Variants in PLCB4 observed in about 807,000 individuals in gnomAD.
PLCB4 encodes the protein 1-phosphatidylinositol 4,5-bisphosphate phosphodiesterase beta-4.
In PLCB4, 77 loss-of-function variants were observed where a neutral mutation model predicts 178.8. That is an observed-to-expected ratio of 0.43 (90% CI 0.36 to 0.52). The LOEUF (loss-of-function observed/expected upper bound fraction) is 0.52. Ranked by LOEUF, PLCB4 falls within the 20% of genes least tolerant of loss-of-function variation. The probability of loss-of-function intolerance (pLI) is 0.00; values close to 1 mark genes in which losing one functional copy is unlikely to be tolerated. For synonymous variants in PLCB4, 496 were observed against 490.8 expected (o/e 1.01, Z -0.14); for missense variants, 1,024 against 1,453.4 (o/e 0.70, Z 4.80).
At chr20:9,112,471 C>G (rs1016407916) in intron 2 of PLCB4, among the ~76,000 whole-genome samples, 2 of 151,882 alleles carry the variant, frequency 1.3e-5, no homozygotes, top group African/African-American at 4.8e-5. Flanking sequence ...CCAGGCAGGT[C>G]TCAAACTCCT....
chr20:9,409,891 A>G (rs73248730), intron 24 of PLCB4, among the ~76,000 whole-genome samples: 5,948 of 152,250 alleles, frequency 0.039, 392 homozygotes, highest in African/African-American at 0.14. Flanking sequence ...AATAGAATAG[A>G]TAGAAATATG....
chr20:9,156,347 A>G (rs2092787930), intron 2 of PLCB4, among the ~76,000 whole-genome samples: 1 of 152,180 alleles, frequency 6.6e-6, no homozygotes. Context: ...TGTGCTAGGT[A>G]CAGTTCTCAA....
At chr20:9,373,259 T>C (rs892128964) in intron 12 of PLCB4, among the ~76,000 whole-genome samples, 155 bp downstream of exon 12, 2 of 152,230 alleles carry the variant, frequency 1.3e-5, no homozygotes, top group Non-Finnish European at 2.9e-5. Flanking sequence ...AAAAATCAGC[T>C]GCCGCCCTGT....
rs952234495 is a variant in PLCB4, at chr20:9,153,590, C to T, written c.-79+57248C>T. ...GTCCAATTAAACCTTTTTTTCTTCCCGGTCTCGGATATGTCTTTATCATCA... is the reference window on the plus strand; with the variant it reads ...GTCCAATTAAACCTTTTTTTCTTCCTGGTCTCGGATATGTCTTTATCATCA... On this transcript the variant is annotated intron_variant, in intron 2 of 39. Transcript: ENST00000378473. Among the ~76,000 whole-genome samples the T allele has an allele frequency of 5.9e-5, 9 of 152,186 alleles. 1 individual carries two copies. The highest frequency in any genetic ancestry group is 1.7e-4 in the African/African-American group (7 of 41,528).
chr20:9,231,445 G>T (rs1025766739), intron 3 of PLCB4, among the ~76,000 whole-genome samples: 9 of 152,102 alleles, frequency 5.9e-5, no homozygotes, highest in Non-Finnish European at 1.3e-4. Flanking sequence ...GGAGAGAGCT[G>T]CCACCTTCTT....
intron 2 of PLCB4, among the ~76,000 whole-genome samples, chr20:9,108,216 G>A (rs1282488153): frequency 1.3e-5 from 2 of 152,166 alleles, no homozygotes; most frequent in African/African-American, 4.8e-5. Flanking sequence ...GATGGGACTA[G>A]GCTGAAGATG....
intron 3 of PLCB4, 89 bp from the exon 4 acceptor site, chr20:9,307,708 ATCT>A (rs1416027290): frequency 1.7e-5 from 9 of 539,940 alleles, no homozygotes; most frequent in Non-Finnish European, 2.9e-5. Flanking sequence ...TTTAAAGTAA[ATCT>A]TCTGCAAACA....
At chr20:9,330,036 G>A (rs914999748) in intron 4 of PLCB4, among the ~76,000 whole-genome samples, 1 of 152,082 alleles carries the variant, frequency 6.6e-6, no homozygotes, top group Non-Finnish European at 1.5e-5. Context: ...TGAGAGAGGC[G>A]GTGTTTGTGC....
At chr20:9,165,798 T>C (rs1441320537) in intron 2 of PLCB4, among the ~76,000 whole-genome samples, 1 of 118,084 alleles carries the variant, frequency 8.5e-6, no homozygotes, top group Non-Finnish European at 1.8e-5. Flanking sequence ...GCTGTTTGTG[T>C]GTGTGTGTGT....
chr20:9,238,152 G>A (rs2094014340), intron 3 of PLCB4, among the ~76,000 whole-genome samples: 1 of 152,180 alleles, frequency 6.6e-6, no homozygotes, highest in Non-Finnish European at 1.5e-5. Context: ...GATTAGAATG[G>A]TGATTCTGAG....
At chr20:9,113,347 A>G (rs1268606744) in intron 2 of PLCB4, among the ~76,000 whole-genome samples, 1 of 152,188 alleles carries the variant, frequency 6.6e-6, no homozygotes, top group Non-Finnish European at 1.5e-5. Flanking sequence ...ATTCTTTGAG[A>G]ACCTCACTGT....
chr20:9,464,345 CA>C (rs572687475), intron 35 of PLCB4, among the ~76,000 whole-genome samples: 215 of 152,252 alleles, frequency 1.4e-3, no homozygotes, highest in African/African-American at 5.1e-3. Flanking sequence ...ATAAAATTGA[CA>C]CCCTAACGTC....
At chr20:9,402,413 G>A (rs957994900) in intron 20 of PLCB4, among the ~76,000 whole-genome samples, 2 of 152,222 alleles carry the variant, frequency 1.3e-5, no homozygotes, top group Admixed American at 6.5e-5. Context: ...AGTGAGACGA[G>A]ATGAGGCAGG....
intron 2 of PLCB4, among the ~76,000 whole-genome samples, chr20:9,212,578 G>T (rs1315851422): frequency 2.0e-5 from 3 of 152,144 alleles, no homozygotes. Context: ...AAACACTGTG[G>T]CATGATTAGT....
chr20:9,423,958 A>G lies in PLCB4; in HGVS notation c.2524+6A>G, dbSNP rs2040820363. On this transcript the variant is annotated splice_donor_region_variant and intron_variant, in intron 28 of 39. Transcript: ENST00000378473. ...TGTGCCTGATGGATTTGGAGGTAAGATAAACATTTGGGTACGGAATATGAT... is the reference window on the plus strand; with the variant it reads ...TGTGCCTGATGGATTTGGAGGTAAGGTAAACATTTGGGTACGGAATATGAT... The G allele has an allele frequency of 1.3e-6, 2 of 1,567,290 alleles. No individual in the cohort carries two copies. The highest frequency in any genetic ancestry group is 1.8e-6 in the Non-Finnish European group (2 of 1,139,734).
chr20:9,147,521 G>A (rs767215216), intron 2 of PLCB4, among the ~76,000 whole-genome samples: 1 of 152,090 alleles, frequency 6.6e-6, no homozygotes, highest in Admixed American at 6.6e-5. Context: ...TCTGTGCTCA[G>A]CTATGGGTTG....
intron 7 of PLCB4, among the ~76,000 whole-genome samples, chr20:9,343,090 G>T (rs577391816): frequency 6.6e-6 from 1 of 152,110 alleles, no homozygotes; most frequent in Non-Finnish European, 1.5e-5. Flanking sequence ...TGTGTATTTT[G>T]TTTGTCTTAT....
At chr20:9,223,257 G>A (rs1195941231) in intron 3 of PLCB4, among the ~76,000 whole-genome samples, 1 of 152,120 alleles carries the variant, frequency 6.6e-6, no homozygotes, top group Non-Finnish European at 1.5e-5. Context: ...TATAGTTAGT[G>A]GCCAAACTGA....
chr20:9,287,287 G>A (rs1019612369), intron 3 of PLCB4, among the ~76,000 whole-genome samples: 5 of 152,004 alleles, frequency 3.3e-5, no homozygotes, highest in Non-Finnish European at 5.9e-5. Context: ...ACTCATGGAT[G>A]AAAGTATTAG....
Sources: gnomAD v4.1 joint callset for allele counts (sites outside exome capture counted in the v4.1 genomes callset) on GRCh38, gnomAD v4.1.1 for gene constraint, MANE v1.5 for transcripts, NCBI Gene and HGNC (gene_info 2026-07-23, HGNC 2026-07-21) for gene names.